TEX11: variants seen among roughly 807,000 people sequenced by gnomAD.
TEX11 encodes the protein testis expressed 11, also known as testis-expressed protein 11.
Under a neutral mutation model 84.4 loss-of-function variants are expected in TEX11, and 7 were observed. The observed-to-expected ratio is 0.08, with a 90% CI of 0.05 to 0.16. TEX11 has a LOEUF of 0.16. Among genes scored for constraint, TEX11 ranks in the 10% least tolerant of loss-of-function variants. TEX11 has a pLI of 1.00. For missense variants in TEX11, 551 were observed against 660.5 expected (o/e 0.83, Z 1.82); for synonymous variants, 264 against 222.8 (o/e 1.18, Z -1.64).
chrX:70,850,599 T>C (rs890942670), intron 7 of TEX11, among the ~76,000 whole-genome samples: 1 of 108,725 alleles, frequency 9.2e-6, no homozygotes, highest in Non-Finnish European at 1.9e-5. Flanking sequence ...AAAAAATGTT[T>C]ATTTAATTAG....
Position 70,629,744 on chromosome X carries a change from C to A in TEX11, c.1484-9G>T. The A allele has an allele frequency of 1.8e-6, 2 of 1,121,106 alleles. No individual in the cohort carries two copies. Among genetic ancestry groups the A allele is most frequent in the Admixed American group, 2.6e-5 (1 of 38,568 alleles). 92.4% of individuals were successfully genotyped at this position (1,121,106 alleles called of 1,213,427 possible). On this transcript the variant is annotated splice_polypyrimidine_tract_variant and intron_variant, in intron 17 of 29. Transcript: ENST00000374333. ...AATTATTGCCTGCAAAGCTGAAAAA[C>A]AAGAAAAAAATTCAAAAATGATATA...
chrX:70,657,917 G>A lies in TEX11; in HGVS notation c.1381-6365C>T, dbSNP rs186495865. Reference sequence around the variant, plus strand: ...AGGAAGGGGAACATCACACTCTGGGGACTGTTGTGGGGTGGGGGGAGGGGG... The same window carrying A: ...AGGAAGGGGAACATCACACTCTGGGAACTGTTGTGGGGTGGGGGGAGGGGG... On this transcript the variant is annotated intron_variant, in intron 16 of 29. Coordinates refer to ENST00000374333, the MANE Select transcript of TEX11 (RefSeq NM_031276.3). Among the ~76,000 whole-genome samples, 585 of 62,001 alleles carry A rather than the reference G, an allele frequency of 9.4e-3. 6 individuals are homozygous for A. The highest frequency in any genetic ancestry group is 0.014 in the Non-Finnish European group (489 of 35,815). The allele number at this position is 62,001 out of a possible 115,157, so 53.8% of individuals were successfully genotyped here.
intron 17 of TEX11, among the ~76,000 whole-genome samples, chrX:70,647,883 C>T (rs1013714442): frequency 9.0e-6 from 1 of 110,820 alleles, no homozygotes; most frequent in Non-Finnish European, 1.9e-5. Flanking sequence ...GAACTAGAAA[C>T]ACCATTTGAC....
At chrX:70,579,106 C>CA (rs2088725968) in intron 25 of TEX11, among the ~76,000 whole-genome samples, 1 of 110,668 alleles carries the variant, frequency 9.0e-6, no homozygotes, top group Non-Finnish European at 1.9e-5. Flanking sequence ...AATATTTTCA[C>CA]AAAAAATTCT....
At chrX:70,752,328 C>A (rs966721419) in intron 9 of TEX11, among the ~76,000 whole-genome samples, 1 of 108,685 alleles carries the variant, frequency 9.2e-6, no homozygotes, top group Non-Finnish European at 1.9e-5. Context: ...AGTTGGAGAC[C>A]AGCTTGGCCA....
At chrX:70,640,536 T>A (rs2089641313) in intron 17 of TEX11, among the ~76,000 whole-genome samples, 1 of 110,661 alleles carries the variant, frequency 9.0e-6, no homozygotes, top group African/African-American at 3.3e-5. Flanking sequence ...CAGGTTACCC[T>A]CAAAGGGAAG....
intron 2 of TEX11, among the ~76,000 whole-genome samples, chrX:70,899,776 C>T (rs1224246311): frequency 2.2e-5 from 2 of 90,620 alleles, no homozygotes; most frequent in East Asian, 4.0e-4. Flanking sequence ...ATTAGCCAGG[C>T]GTGGTGGTGC....
chrX:70,723,017 G>T (rs1291505701), intron 12 of TEX11, among the ~76,000 whole-genome samples: 1 of 111,470 alleles, frequency 9.0e-6, no homozygotes, highest in Non-Finnish European at 1.9e-5. Context: ...GAAACCACTT[G>T]CTACTTGTAT....
At chrX:70,568,223 G>A (rs189491461) in intron 25 of TEX11, among the ~76,000 whole-genome samples, 286 of 111,155 alleles carry the variant, frequency 2.6e-3, no homozygotes, top group African/African-American at 3.2e-3. Flanking sequence ...GAATAGGATC[G>A]CAACCCCTGC....
In TEX11 at chrX:70,638,969, G is replaced by A. The variant is rs183591366; in HGVS notation, c.1484-9234C>T. Among the ~76,000 whole-genome samples the A allele has an allele frequency of 6.5e-3, 721 of 110,181 alleles. 3 individuals carry two copies. The highest frequency in any genetic ancestry group is 0.023 in the African/African-American group (695 of 30,349). On this transcript the variant is annotated intron_variant, in intron 17 of 29. Coordinates refer to ENST00000374333, the MANE Select transcript of TEX11 (RefSeq NM_031276.3). Reference sequence around the variant, plus strand: ...AGCTCCCAGCATGAACCACGCAGAAGACGGGTGATTTCTGCATTTCCATCT... The same window carrying A: ...AGCTCCCAGCATGAACCACGCAGAAAACGGGTGATTTCTGCATTTCCATCT...
chrX:70,700,369 A>G (rs368051125), intron 13 of TEX11, among the ~76,000 whole-genome samples: 4 of 110,745 alleles, frequency 3.6e-5, no homozygotes, highest in African/African-American at 9.8e-5. Flanking sequence ...AACAGCATGC[A>G]CTCTATTTGT....
At chrX:70,633,213 G>A (rs1229462417) in intron 17 of TEX11, among the ~76,000 whole-genome samples, 1 of 112,206 alleles carries the variant, frequency 8.9e-6, no homozygotes, top group Non-Finnish European at 1.9e-5. Context: ...TATACATCAT[G>A]ATCAAGTGGG....
At chrX:70,889,467 CA>C (rs962336440) in intron 2 of TEX11, among the ~76,000 whole-genome samples, 12 of 107,289 alleles carry the variant, frequency 1.1e-4, no homozygotes, top group East Asian at 2.9e-4. Flanking sequence ...ATAGTAAGTA[CA>C]AAAAAAAAGT....
intron 17 of TEX11, among the ~76,000 whole-genome samples, chrX:70,635,782 C>T (rs1311872743): frequency 2.7e-5 from 3 of 110,679 alleles, no homozygotes; most frequent in East Asian, 5.7e-4. Context: ...GCCCCTGCAG[C>T]CCCAGGATCC....
At chrX:70,677,988 T>C (rs1444955704) in intron 15 of TEX11, among the ~76,000 whole-genome samples, 1 of 108,996 alleles carries the variant, frequency 9.2e-6, no homozygotes, top group African/African-American at 3.3e-5. Flanking sequence ...TAATTTTTTG[T>C]ATTTTAGTAG....
intron 13 of TEX11, among the ~76,000 whole-genome samples, chrX:70,722,183 A>T (rs1260889364): frequency 2.7e-5 from 3 of 112,146 alleles, no homozygotes; most frequent in East Asian, 2.8e-4. Context: ...GACAATGGAA[A>T]TTTTTTTAAT....
At chrX:70,607,265 A>C (rs751246320) in intron 22 of TEX11, among the ~76,000 whole-genome samples, 193 of 111,361 alleles carry the variant, frequency 1.7e-3, no homozygotes, top group Non-Finnish European at 2.3e-3. Context: ...GTACTGCTGA[A>C]TTTTTTAAAA....
chrX:70,584,870 C>A (rs776215257), intron 25 of TEX11, among the ~76,000 whole-genome samples: 1 of 111,461 alleles, frequency 9.0e-6, no homozygotes, highest in Admixed American at 9.6e-5. Context: ...AAGGGAATAG[C>A]CTCAATCTGA....
chrX:70,640,633 G>A (rs748416725), intron 17 of TEX11, among the ~76,000 whole-genome samples: 1 of 108,929 alleles, frequency 9.2e-6, no homozygotes, highest in African/African-American at 3.3e-5. Context: ...TTAAAGAAAA[G>A]AATTTTCAAC....
Sources: allele counts gnomAD v4.1 joint callset (sites outside exome capture counted in the v4.1 genomes callset), GRCh38; gene constraint gnomAD v4.1.1; transcripts MANE v1.5; gene names NCBI Gene and HGNC (gene_info 2026-07-23, HGNC 2026-07-21).